Variants in PTPRN2 observed in about 807,000 individuals in gnomAD.
PTPRN2 encodes receptor-type tyrosine-protein phosphatase N2.
Under a neutral mutation model 118.8 loss-of-function variants are expected in PTPRN2, and 74 were observed. That is an observed-to-expected ratio of 0.62 (90% confidence interval 0.52 to 0.76). The LOEUF is 0.76. Among genes scored for constraint, PTPRN2 ranks in the 30% least tolerant of loss-of-function variants. PTPRN2 has a pLI of 0.00. For synonymous variants in PTPRN2, 641 were observed against 608.0 expected, an observed-to-expected ratio of 1.05 and a Z score of -0.80; for missense variants, 1,481 against 1,394.4, an observed-to-expected ratio of 1.06 and a Z score of -0.99.
At position 157,827,414 on chromosome 7, in the gene PTPRN2, G is replaced by A. The variant is rs1434558645; in HGVS notation, c.1788+71259C>T. On this transcript the variant is annotated intron_variant, in intron 12 of 22. Coordinates refer to ENST00000389418, the MANE Select transcript of PTPRN2 (RefSeq NM_002847.5). Reference sequence around the variant, plus strand: ...ACAACACAACACAACACAACACAGTGTGGGCCGTGGCTGTCTGGAGGCCAA... The same window carrying A: ...ACAACACAACACAACACAACACAGTATGGGCCGTGGCTGTCTGGAGGCCAA... Among the ~76,000 whole-genome samples the A allele has an allele frequency of 5.8e-5, 4 of 68,582 alleles. No individual in the cohort carries two copies. In the East Asian group the frequency reaches 1.5e-3, roughly 26 times the overall value. 45.0% of individuals were successfully genotyped at this position (68,582 alleles called of 152,430 possible).
At chr7:158,396,728 G>T (rs1812549785) in intron 2 of PTPRN2, among the ~76,000 whole-genome samples, 1 of 151,830 alleles carries the variant, frequency 6.6e-6, no homozygotes. Context: ...GTGTGTGTGC[G>T]CATACCATCT....
intron 12 of PTPRN2, among the ~76,000 whole-genome samples, chr7:157,894,064 A>G (rs920952696): frequency 6.6e-6 from 1 of 152,268 alleles, no homozygotes; most frequent in East Asian, 1.9e-4. Context: ...CTGTAGTTTC[A>G]GTTCTTAAAA....
intron 2 of PTPRN2, among the ~76,000 whole-genome samples, chr7:158,431,335 TGCTCACACTG>T (rs2129429058): frequency 7.4e-6 from 1 of 135,268 alleles, no homozygotes; most frequent in South Asian, 2.5e-4. Flanking sequence ...GCCACACACT[TGCTCACACTG>T]GCTTGCACTG....
chr7:157,942,554 G>A (rs1294429008), intron 11 of PTPRN2, among the ~76,000 whole-genome samples: 1 of 152,058 alleles, frequency 6.6e-6, no homozygotes, highest in Non-Finnish European at 1.5e-5. Flanking sequence ...CAGGAGCGAT[G>A]ATCAGAGAAT....
chr7:157,920,085 C>T (rs774240409), intron 11 of PTPRN2, among the ~76,000 whole-genome samples: 7 of 152,078 alleles, frequency 4.6e-5, no homozygotes, highest in Non-Finnish European at 8.8e-5. Context: ...CTGTGATGCT[C>T]GCACAACGAC....
chr7:158,144,274 G>A (rs1437835725), intron 6 of PTPRN2, among the ~76,000 whole-genome samples: 1 of 152,174 alleles, frequency 6.6e-6, no homozygotes, highest in Non-Finnish European at 1.5e-5. Context: ...TAAAAATGAT[G>A]TGCACAGGCC....
intron 11 of PTPRN2, among the ~76,000 whole-genome samples, chr7:157,970,409 A>G (rs922453422): frequency 1.3e-5 from 2 of 152,222 alleles, no homozygotes; most frequent in Non-Finnish European, 2.9e-5. Flanking sequence ...CAGGGAGGTG[A>G]CAATCCCAGG....
chr7:157,928,584 T>C (rs1799165837), intron 11 of PTPRN2, among the ~76,000 whole-genome samples: 1 of 151,810 alleles, frequency 6.6e-6, no homozygotes, highest in African/African-American at 2.4e-5. Context: ...ACACTCCCCG[T>C]GTCTCAGCGT....
At chr7:158,176,308 T>TG (rs1194276024) in intron 5 of PTPRN2, among the ~76,000 whole-genome samples, 1 of 152,012 alleles carries the variant, frequency 6.6e-6, no homozygotes, top group Non-Finnish European at 1.5e-5. Context: ...ATTCACTGAG[T>TG]GCTACACCAG....
intron 12 of PTPRN2, among the ~76,000 whole-genome samples, chr7:157,714,244 C>T (rs986703811): frequency 2.6e-5 from 4 of 152,332 alleles, no homozygotes; most frequent in East Asian, 3.9e-4. Context: ...TTGACAGACA[C>T]AGTGTATGGA....
intron 6 of PTPRN2, among the ~76,000 whole-genome samples, chr7:158,146,758 A>C (rs921515791): frequency 6.6e-6 from 1 of 151,132 alleles, no homozygotes; most frequent in Non-Finnish European, 1.5e-5. Flanking sequence ...AAACAATAGA[A>C]AATTAAAAGC....
chr7:158,341,709 T>C, intron 2 of PTPRN2, among the ~76,000 whole-genome samples: 1 of 122,462 alleles, frequency 8.2e-6, no homozygotes, highest in Non-Finnish European at 1.7e-5. Context: ...ACACCCACAC[T>C]CTCACCATAG....
intron 1 of PTPRN2, among the ~76,000 whole-genome samples, chr7:158,557,237 G>A (rs1428210055): frequency 2.2e-5 from 3 of 138,030 alleles, no homozygotes; most frequent in South Asian, 2.4e-4. Context: ...GAGGGCTCCC[G>A]TGCAGGTCAC....
chr7:157,997,431 C>A (rs1269397039), intron 11 of PTPRN2, among the ~76,000 whole-genome samples: 1 of 152,248 alleles, frequency 6.6e-6, no homozygotes, highest in Non-Finnish European at 1.5e-5. Context: ...CATAAATCCC[C>A]CTGGCTGGCG....
At chr7:158,094,469 T>C (rs529407757) in intron 10 of PTPRN2, among the ~76,000 whole-genome samples, 3 of 151,986 alleles carry the variant, frequency 2.0e-5, no homozygotes, top group Admixed American at 2.0e-4. Flanking sequence ...GCCACCATGC[T>C]CAGCTAATTT....
At chr7:158,161,028 G>A (rs566181984) in intron 6 of PTPRN2, among the ~76,000 whole-genome samples, 22 of 152,224 alleles carry the variant, frequency 1.4e-4, no homozygotes, top group Non-Finnish European at 2.9e-4. Flanking sequence ...GGATTTTAGG[G>A]ACCTTAGGGA....
chr7:158,431,998 T>C (rs958980947), intron 2 of PTPRN2, among the ~76,000 whole-genome samples: 1 of 152,216 alleles, frequency 6.6e-6, no homozygotes, highest in Non-Finnish European at 1.5e-5. Context: ...CAGATTCTCG[T>C]CCAGCATCCT....
At chr7:157,666,503 GA>G (rs113097838) in intron 13 of PTPRN2, among the ~76,000 whole-genome samples, 14,182 of 119,782 alleles carry the variant, frequency 0.12, 893 homozygotes, top group East Asian at 0.3. Flanking sequence ...TAGTGTGTTA[GA>G]AAAAAAAAAA....
chr7:158,329,178 C>G (rs1189176367), intron 2 of PTPRN2, among the ~76,000 whole-genome samples: 2 of 152,204 alleles, frequency 1.3e-5, no homozygotes, highest in African/African-American at 4.8e-5. Context: ...AGGAGCCCAG[C>G]AGACACCGGC....
Sources: allele counts gnomAD v4.1 joint callset (sites outside exome capture counted in the v4.1 genomes callset), GRCh38; gene constraint gnomAD v4.1.1; transcripts MANE v1.5; gene names NCBI Gene and HGNC (gene_info 2026-07-23, HGNC 2026-07-21).